DNAH14: variants seen among roughly 807,000 people sequenced by gnomAD.
DNAH14 encodes axonemal beta dynein heavy chain 14.
A neutral mutation model predicts 520.9 loss-of-function variants in DNAH14; 478 were observed. The observed-to-expected ratio is 0.92, with a 90% CI of 0.85 to 0.99. The LOEUF is 0.99. DNAH14 is among the 50% of genes least tolerant of loss of function. DNAH14 has a pLI of 0.00. For missense variants in DNAH14, 4,831 were observed against 5,234.5 expected (o/e 0.92, Z 2.38); for synonymous variants, 1,581 against 1,757.2 (o/e 0.90, Z 2.51).
At chr1:225,059,504 T>C (rs2069679082) in intron 17 of DNAH14, among the ~76,000 whole-genome samples, 1 of 152,250 alleles carries the variant, frequency 6.6e-6, no homozygotes, top group Admixed American at 6.5e-5. Context: ...TGTCTTTTAA[T>C]TGGAGCATTT....
chr1:225,205,871 C>T, intron 39 of DNAH14, 100 bp from the exon 40 acceptor site: 2 of 987,340 alleles, frequency 2.0e-6, no homozygotes, highest in South Asian at 1.7e-5. Context: ...TATCTTTCCT[C>T]TTAGAAAATA....
At chr1:225,286,470 A>G (rs2093746502) in intron 54 of DNAH14, among the ~76,000 whole-genome samples, 1 of 152,208 alleles carries the variant, frequency 6.6e-6, no homozygotes, top group African/African-American at 2.4e-5. Flanking sequence ...ATACCTTACA[A>G]AAGCATATGA....
At chr1:225,104,865 T>G (rs2148768101) in intron 23 of DNAH14, among the ~76,000 whole-genome samples, 1 of 152,202 alleles carries the variant, frequency 6.6e-6, no homozygotes, top group East Asian at 1.9e-4. Flanking sequence ...TTTTGAAGGG[T>G]TTTTTATGTC....
chr1:224,947,210 A>G (rs1347145415), intron 1 of DNAH14, among the ~76,000 whole-genome samples: 1 of 152,006 alleles, frequency 6.6e-6, no homozygotes, highest in East Asian at 1.9e-4. Context: ...GAACCACCGC[A>G]CCCAACCTCA....
At chr1:225,369,914 G>A (rs905638306) in intron 77 of DNAH14, among the ~76,000 whole-genome samples, 2 of 152,168 alleles carry the variant, frequency 1.3e-5, no homozygotes, top group African/African-American at 4.8e-5. Context: ...AGCCAGGCTC[G>A]GTGGCTCACA....
chr1:225,251,011 C>G (rs1355948255), intron 43 of DNAH14, among the ~76,000 whole-genome samples: 1 of 151,974 alleles, frequency 6.6e-6, no homozygotes, highest in Non-Finnish European at 1.5e-5. Flanking sequence ...GCCACCCAGT[C>G]TATGGTATTT....
chr1:225,270,048 A>G (rs1320173904), intron 49 of DNAH14, among the ~76,000 whole-genome samples: 1 of 152,152 alleles, frequency 6.6e-6, no homozygotes, highest in Non-Finnish European at 1.5e-5. Context: ...CACTATTCAC[A>G]ATAGCAAAGA....
At chr1:225,257,764 T>G (rs575688461) in intron 44 of DNAH14, among the ~76,000 whole-genome samples, 196 bp from the exon 45 acceptor site, 1 of 152,158 alleles carries the variant, frequency 6.6e-6, no homozygotes, top group East Asian at 1.9e-4. Context: ...CTCGATCTCC[T>G]GAACTCCTGA....
intron 54 of DNAH14, among the ~76,000 whole-genome samples, chr1:225,280,133 A>G (rs1203039325): frequency 6.6e-6 from 1 of 152,000 alleles, no homozygotes; most frequent in African/African-American, 2.4e-5. Context: ...AAATTTATCT[A>G]CACTGAACAA....
In DNAH14 at chr1:225,346,305, C is replaced by T; in HGVS notation, c.11022C>T (p.Asn3674=). ...HEFISISKEP[N]LENEKNLLDK... is the part of the protein sequence containing the mutation. Reference sequence around the variant, plus strand: ...TTATAAGTATTTCAAAAGAACCCAACCTGGAAAATGAGAAAAATCTCTTAG... The same window carrying T: ...TTATAAGTATTTCAAAAGAACCCAATCTGGAAAATGAGAAAAATCTCTTAG... Residue 3674 remains asparagine, a synonymous_variant, in exon 70 of 86, where the codon AAC becomes AAT. Coordinates refer to ENST00000682510, the MANE Select transcript of DNAH14 (RefSeq NM_001367479.1). 2 of 1,542,850 alleles carry T rather than the reference C, an allele frequency of 1.3e-6. No individual in the cohort carries two copies. The highest frequency in any genetic ancestry group is 1.7e-6 in the Non-Finnish European group (2 of 1,144,892).
At chr1:225,084,309 G>A (rs1206613043) in intron 20 of DNAH14, among the ~76,000 whole-genome samples, 1 of 152,126 alleles carries the variant, frequency 6.6e-6, no homozygotes, top group Admixed American at 6.5e-5. Flanking sequence ...CCATCCTGTA[G>A]AAATTTGACA....
chr1:225,372,009 A>T (rs1294889453), intron 77 of DNAH14, among the ~76,000 whole-genome samples: 1 of 152,182 alleles, frequency 6.6e-6, no homozygotes, highest in African/African-American at 2.4e-5. Flanking sequence ...TTTTACAGAT[A>T]GGGAAATAGA....
intron 16 of DNAH14, among the ~76,000 whole-genome samples, chr1:225,050,668 G>A (rs185575665): frequency 6.6e-6 from 1 of 152,188 alleles, no homozygotes; most frequent in East Asian, 1.9e-4. Context: ...GCATCAACTG[G>A]GTATTTTTGT....
chr1:225,193,831 C>T (rs761980087), intron 38 of DNAH14, among the ~76,000 whole-genome samples: 2 of 151,650 alleles, frequency 1.3e-5, no homozygotes, highest in Non-Finnish European at 3.0e-5. Flanking sequence ...CTCCAAATCT[C>T]GTAAACAACT....
At position 225,336,336 on chromosome 1, in the gene DNAH14, A is replaced by G. The variant is rs139744336; in HGVS notation, c.10081-930A>G. Among the ~76,000 whole-genome samples, 11 of 152,180 alleles carry G rather than the reference A, an allele frequency of 7.2e-5. No homozygotes were observed. The East Asian group carries it at 2.1e-3, about 29-fold the overall frequency. ...TACCATAGATTACAAAAGCAAAAAG[A>G]CAAAATAGATGTTAAGGCATAAAAG... is the stretch of plus-strand genomic sequence containing the variant. On this transcript the variant is annotated intron_variant, in intron 66 of 85. Transcript: ENST00000682510.
intron 28 of DNAH14, among the ~76,000 whole-genome samples, chr1:225,143,886 CCTT>C (rs2079676565): frequency 6.6e-6 from 1 of 152,084 alleles, no homozygotes; most frequent in Non-Finnish European, 1.5e-5. Flanking sequence ...TAACTCAAAA[CCTT>C]CTAGATGTGA....
At chr1:225,030,395 A>T (rs1042383925) in intron 11 of DNAH14, among the ~76,000 whole-genome samples, 1 of 151,840 alleles carries the variant, frequency 6.6e-6, no homozygotes, top group Non-Finnish European at 1.5e-5. Context: ...ATGAAGTTCA[A>T]TTTATCTGTT....
At chr1:224,978,549 G>C (rs1456232538) in intron 8 of DNAH14, among the ~76,000 whole-genome samples, 1 of 152,206 alleles carries the variant, frequency 6.6e-6, no homozygotes, top group East Asian at 1.9e-4. Flanking sequence ...TTAACAGATA[G>C]ATGGGAGGAA....
At chr1:225,309,718 C>T (rs978325928) in intron 60 of DNAH14, among the ~76,000 whole-genome samples, 43 of 152,104 alleles carry the variant, frequency 2.8e-4, no homozygotes, top group African/African-American at 9.7e-4. Flanking sequence ...CATGGTGAAA[C>T]CCCGTCTCTA....
Sources: allele counts gnomAD v4.1 joint callset (sites outside exome capture counted in the v4.1 genomes callset), GRCh38; gene constraint gnomAD v4.1.1; transcripts MANE v1.5; gene names NCBI Gene and HGNC (gene_info 2026-07-23, HGNC 2026-07-21).